ZNF423: variants seen among roughly 807,000 people sequenced by gnomAD.
ZNF423 encodes Ebf-associated zinc finger protein.
Under a neutral mutation model 95.8 loss-of-function variants are expected in ZNF423, and 12 were observed. The observed-to-expected ratio is 0.13, with a 90% CI of 0.08 to 0.20. The LOEUF (loss-of-function observed/expected upper bound fraction) is 0.20, where lower values mean the gene tolerates loss of function less well. Ranked by LOEUF, ZNF423 falls within the 10% of genes least tolerant of loss-of-function variation. ZNF423 has a pLI of 1.00. For synonymous variants in ZNF423, 749 were observed against 711.9 expected (o/e 1.05, Z -0.83); for missense variants, 1,316 against 1,737.1 (o/e 0.76, Z 4.31).
intron 5 of ZNF423, among the ~76,000 whole-genome samples, chr16:49,604,981 C>T (rs1163376720): frequency 6.6e-6 from 1 of 152,184 alleles, no homozygotes; most frequent in Non-Finnish European, 1.5e-5. Context: ...AAATGTATTA[C>T]CACTTTCAAC....
intron 1 of ZNF423, among the ~76,000 whole-genome samples, chr16:49,811,181 C>CGATTTCAA (rs1567353811): frequency 6.6e-6 from 1 of 151,916 alleles, no homozygotes; most frequent in Admixed American, 6.6e-5. Flanking sequence ...ACAGATGGGA[C>CGATTTCAA]GATTTCAAGA....
intron 1 of ZNF423, among the ~76,000 whole-genome samples, chr16:49,840,540 AAGT>A (rs1330133617): frequency 6.6e-6 from 1 of 152,206 alleles, no homozygotes; most frequent in African/African-American, 2.4e-5. Context: ...TTCATAAGCA[AAGT>A]CTACCACCCA....
intron 5 of ZNF423, among the ~76,000 whole-genome samples, chr16:49,599,092 T>G (rs1233487030): frequency 6.6e-6 from 1 of 152,178 alleles, no homozygotes; most frequent in East Asian, 1.9e-4. Context: ...CACATGTGTG[T>G]GCACACACAT....
chr16:49,804,118 A>G (rs1313162336), intron 1 of ZNF423, among the ~76,000 whole-genome samples: 1 of 151,952 alleles, frequency 6.6e-6, no homozygotes, highest in African/African-American at 2.4e-5. Context: ...TATTTTTAGT[A>G]GAGATGGGGT....
chr16:49,552,859 G>A (rs1969692434), intron 5 of ZNF423, among the ~76,000 whole-genome samples: 2 of 151,868 alleles, frequency 1.3e-5, no homozygotes, highest in Non-Finnish European at 2.9e-5. Flanking sequence ...GCTCCCCAAG[G>A]GCCCCCACCC....
At chr16:49,707,329 A>G (rs571714003) in intron 3 of ZNF423, among the ~76,000 whole-genome samples, 124 of 152,252 alleles carry the variant, frequency 8.1e-4, no homozygotes, top group African/African-American at 2.9e-3. Flanking sequence ...AGAAAAGAGC[A>G]TTTGTCAGGC....
chr16:49,671,929 C>G (rs1304791009), intron 3 of ZNF423, among the ~76,000 whole-genome samples: 1 of 152,176 alleles, frequency 6.6e-6, no homozygotes, highest in East Asian at 1.9e-4. Context: ...AGGCAATCTG[C>G]CTGCCTCAGC....
intron 2 of ZNF423, 37 bp from the exon 3 acceptor site, chr16:49,731,008 G>A: frequency 1.9e-6 from 3 of 1,604,284 alleles, no homozygotes; most frequent in Non-Finnish European, 2.6e-6. Context: ...GTCAGCTGAT[G>A]GGGTCTTGGG....
At chr16:49,849,550 T>C (rs530474599) in intron 1 of ZNF423, among the ~76,000 whole-genome samples, 13 of 152,328 alleles carry the variant, frequency 8.5e-5, no homozygotes, top group South Asian at 2.1e-4. Flanking sequence ...GTGAATGAGT[T>C]GAAGAATTCG....
At chr16:49,825,969 C>A (rs1597045019) in intron 1 of ZNF423, among the ~76,000 whole-genome samples, 1 of 152,088 alleles carries the variant, frequency 6.6e-6, no homozygotes, top group African/African-American at 2.4e-5. Flanking sequence ...CCATTACTTT[C>A]GGAGGCCAAG....
intron 5 of ZNF423, among the ~76,000 whole-genome samples, chr16:49,537,870 G>A (rs981288265): frequency 1.3e-5 from 2 of 152,170 alleles, no homozygotes; most frequent in African/African-American, 2.4e-5. Context: ...TCCCAGAGCT[G>A]AGCCCTCCCA....
intron 5 of ZNF423, among the ~76,000 whole-genome samples, chr16:49,551,743 G>A (rs998365748): frequency 6.6e-6 from 1 of 152,240 alleles, no homozygotes; most frequent in African/African-American, 2.4e-5. Flanking sequence ...GCCAGAGTGG[G>A]TGGGGGCTGG....
intron 5 of ZNF423, among the ~76,000 whole-genome samples, chr16:49,582,289 G>A (rs1352193524): frequency 6.6e-6 from 1 of 152,098 alleles, no homozygotes; most frequent in African/African-American, 2.4e-5. Context: ...TGCAGACATT[G>A]ATCAAACTTA....
At chr16:49,633,277 C>T (rs1157455363) in intron 4 of ZNF423, among the ~76,000 whole-genome samples, 1 of 152,108 alleles carries the variant, frequency 6.6e-6, no homozygotes, top group Non-Finnish European at 1.5e-5. Context: ...TGTGGATTGC[C>T]ATTGTAAAAG....
chr16:49,561,295 C>T (rs1176142791), intron 5 of ZNF423, among the ~76,000 whole-genome samples: 2 of 152,082 alleles, frequency 1.3e-5, no homozygotes, highest in Non-Finnish European at 1.5e-5. Flanking sequence ...TGTTTTTTAT[C>T]GGACAGTGAG....
intron 1 of ZNF423, among the ~76,000 whole-genome samples, chr16:49,828,152 C>A (rs1015454803): frequency 2.6e-5 from 4 of 152,220 alleles, no homozygotes; most frequent in Non-Finnish European, 5.9e-5. Context: ...AGGCATTTTT[C>A]TTGAAGAGCA....
chr16:49,826,411 G>A (rs2035005743), intron 1 of ZNF423, among the ~76,000 whole-genome samples: 1 of 152,160 alleles, frequency 6.6e-6, no homozygotes, highest in Non-Finnish European at 1.5e-5. Flanking sequence ...GCAGTTAAGG[G>A]GAAGGGGAAC....
At chr16:49,642,832 G>A (rs1456208156) in intron 3 of ZNF423, among the ~76,000 whole-genome samples, 1 of 148,156 alleles carries the variant, frequency 6.7e-6, no homozygotes, top group Non-Finnish European at 1.5e-5. Flanking sequence ...TTTGGCAGGG[G>A]CAGGAGGGGA....
intron 7 of ZNF423, among the ~76,000 whole-genome samples, chr16:49,497,887 C>T (rs1967226757): frequency 1.3e-5 from 2 of 152,212 alleles, no homozygotes; most frequent in South Asian, 4.1e-4. Flanking sequence ...TGGCCCTGTG[C>T]AGTAGACGGA....
Sources: allele counts gnomAD v4.1 joint callset (sites outside exome capture counted in the v4.1 genomes callset), GRCh38; gene constraint gnomAD v4.1.1; transcripts MANE v1.5; gene names NCBI Gene and HGNC (gene_info 2026-07-23, HGNC 2026-07-21).